NCAM2: variants seen among roughly 807,000 people sequenced by gnomAD.
The protein encoded by NCAM2 is N-CAM-2.
A neutral mutation model predicts 98.1 loss-of-function variants in NCAM2; 30 were observed. The observed-to-expected ratio is 0.31, with a 90% CI of 0.23 to 0.41. The LOEUF is 0.41. NCAM2 is among the 10% of genes least tolerant of loss of function. NCAM2 has a pLI of 1.00. For missense variants in NCAM2, 867 were observed against 1,005.8 expected (o/e 0.86, Z 1.87); for synonymous variants, 368 against 342.4 (o/e 1.07, Z -0.83).
chr21:21,131,138 A>G (rs2066924132), intron 1 of NCAM2, among the ~76,000 whole-genome samples: 1 of 152,196 alleles, frequency 6.6e-6, no homozygotes, highest in Non-Finnish European at 1.5e-5. Flanking sequence ...CACTTATGAA[A>G]ATCACAGCTA....
intron 16 of NCAM2, among the ~76,000 whole-genome samples, chr21:21,531,215 T>C (rs1989674991): frequency 6.6e-6 from 1 of 152,214 alleles, no homozygotes; most frequent in African/African-American, 2.4e-5. Flanking sequence ...ATTTATATGA[T>C]GCTATTTATT....
intron 8 of NCAM2, among the ~76,000 whole-genome samples, chr21:21,361,946 T>C (rs2075657218): frequency 6.6e-6 from 1 of 152,178 alleles, no homozygotes; most frequent in Non-Finnish European, 1.5e-5. Flanking sequence ...GTTTGTTATA[T>C]AGGTAAATTG....
chr21:21,486,175 G>A (rs1480521778), intron 15 of NCAM2, among the ~76,000 whole-genome samples: 6 of 151,676 alleles, frequency 4.0e-5, no homozygotes, highest in African/African-American at 1.5e-4. Context: ...GTGGTGGCGG[G>A]CGCCTGTAGT....
At chr21:21,401,787 T>C (rs927903982) in intron 9 of NCAM2, among the ~76,000 whole-genome samples, 7 of 152,194 alleles carry the variant, frequency 4.6e-5, no homozygotes, top group Admixed American at 2.6e-4. Context: ...ACATACTAAT[T>C]GAAGTTCCTT....
chr21:21,211,743 G>T (rs190609315), intron 1 of NCAM2, among the ~76,000 whole-genome samples: 1 of 152,020 alleles, frequency 6.6e-6, no homozygotes, highest in Non-Finnish European at 1.5e-5. Context: ...TGTCCCTTTC[G>T]TTTATTTCTC....
At chr21:21,389,913 G>A (rs1206699542) in intron 9 of NCAM2, among the ~76,000 whole-genome samples, 1 of 152,092 alleles carries the variant, frequency 6.6e-6, no homozygotes, top group Non-Finnish European at 1.5e-5. Flanking sequence ...GCAGTGGCAC[G>A]ATCTTGGCTT....
intron 1 of NCAM2, among the ~76,000 whole-genome samples, chr21:21,143,465 C>G (rs949520396): frequency 6.6e-6 from 1 of 151,990 alleles, no homozygotes; most frequent in Non-Finnish European, 1.5e-5. Context: ...TTTCTCATTG[C>G]GTCTGGATTT....
chr21:21,485,883 C>A (rs1300293029), intron 15 of NCAM2, among the ~76,000 whole-genome samples: 1 of 152,094 alleles, frequency 6.6e-6, no homozygotes, highest in East Asian at 1.9e-4. Context: ...GAGGGCTAGG[C>A]CTCTCTTTCA....
chr21:21,533,648 GT>G (rs71734481), intron 16 of NCAM2, among the ~76,000 whole-genome samples: 69,545 of 137,628 alleles, frequency 0.51, 17,759 homozygotes, highest in African/African-American at 0.65. Context: ...CCCTTCTTTA[GT>G]TTTTTTTTTT....
At chr21:21,361,346 A>G (rs1390980950) in intron 8 of NCAM2, among the ~76,000 whole-genome samples, 1 of 151,846 alleles carries the variant, frequency 6.6e-6, no homozygotes, top group African/African-American at 2.4e-5. Flanking sequence ...CTCCACTGAA[A>G]CTCTCTGGCA....
intron 1 of NCAM2, among the ~76,000 whole-genome samples, chr21:21,212,590 T>C (rs1218538777): frequency 1.3e-5 from 2 of 152,258 alleles, no homozygotes; most frequent in South Asian, 2.1e-4. Context: ...TGGGGAAAGC[T>C]GACTAAGATA....
chr21:21,263,498 A>T (rs968532884), intron 1 of NCAM2, among the ~76,000 whole-genome samples: 11 of 152,086 alleles, frequency 7.2e-5, no homozygotes, highest in East Asian at 3.9e-4. Context: ...TGTTCAAAAA[A>T]TTTTTTAAAA....
chr21:21,271,918 T>C (rs2072516148), intron 1 of NCAM2, among the ~76,000 whole-genome samples: 1 of 151,970 alleles, frequency 6.6e-6, no homozygotes, highest in Non-Finnish European at 1.5e-5. Context: ...TGGGGAGGGA[T>C]AGCATTAGGA....
rs1028163335 is a variant in NCAM2, at chr21:21,029,305, A to G, written c.55+30687A>G. 2.0e-5 allele frequency among the ~76,000 whole-genome samples: 3 copies of G among 152,224 alleles called. No homozygotes were observed. The East Asian group carries it at 5.8e-4, about 29-fold the overall frequency. Reference sequence around the variant, plus strand: ...TACTCTGACTTAATCACAAGCATTTAGTGCAATTCAGAGAACAATAGATTC... The same window carrying G: ...TACTCTGACTTAATCACAAGCATTTGGTGCAATTCAGAGAACAATAGATTC... On this transcript the variant is annotated intron_variant, in intron 1 of 17. Coordinates refer to ENST00000400546, the MANE Select transcript of NCAM2 (RefSeq NM_004540.5).
At chr21:21,306,170 G>A (rs1596572) in intron 5 of NCAM2, among the ~76,000 whole-genome samples, 107,628 of 151,924 alleles carry the variant, frequency 0.71, 38,572 homozygotes, top group South Asian at 0.82. Context: ...TGTTGATGTT[G>A]GTTAATGTTT....
intron 1 of NCAM2, among the ~76,000 whole-genome samples, chr21:21,244,358 G>A (rs533260487): frequency 6.6e-6 from 1 of 152,246 alleles, no homozygotes; most frequent in South Asian, 2.1e-4. Flanking sequence ...GTCAAATACA[G>A]TACACAATTT....
Position 21,093,145 on chromosome 21 carries a change from G to T in NCAM2, c.55+94527G>T, listed in dbSNP as rs557154586. ...TAAATTGGGTCAAGGTTTGAATAAG[G>T]TGATGCTTAAGAACAGGCAAAGGAT... On this transcript the variant is annotated intron_variant, in intron 1 of 17. Transcript: ENST00000400546. Among the ~76,000 whole-genome samples the T allele has an allele frequency of 5.3e-5, 8 of 152,056 alleles. No homozygotes were observed. In the South Asian group the frequency reaches 1.4e-3, roughly 28 times the overall value.
At chr21:21,160,377 G>T (rs2067745790) in intron 1 of NCAM2, among the ~76,000 whole-genome samples, 2 of 151,802 alleles carry the variant, frequency 1.3e-5, no homozygotes, top group Non-Finnish European at 2.9e-5. Context: ...CATTGCCATT[G>T]CAGGCAAGAA....
chr21:21,073,851 ACCAGAAT>A (rs1272213185), intron 1 of NCAM2, among the ~76,000 whole-genome samples: 2 of 152,182 alleles, frequency 1.3e-5, no homozygotes, highest in Non-Finnish European at 2.9e-5. Flanking sequence ...AGTCCTAGTA[ACCAGAAT>A]ATATGTTAGG....
Sources: allele counts gnomAD v4.1 joint callset (sites outside exome capture counted in the v4.1 genomes callset), GRCh38; gene constraint gnomAD v4.1.1; transcripts MANE v1.5; gene names NCBI Gene and HGNC (gene_info 2026-07-23, HGNC 2026-07-21).